The following ATP6V1C1 variants were observed in gnomAD, a reference collection of about 807,000 sequenced individuals.
ATP6V1C1 encodes V-type proton ATPase subunit C 1.
In ATP6V1C1, 45 loss-of-function variants were observed where a neutral mutation model predicts 53.9. The observed-to-expected ratio is 0.83, with a 90% CI of 0.66 to 1.07. ATP6V1C1 has a LOEUF of 1.07. Ranked by LOEUF, ATP6V1C1 falls within the 50% of genes least tolerant of loss-of-function variation. The probability of loss-of-function intolerance (pLI) is 0.00; values close to 1 mark genes in which losing one functional copy is unlikely to be tolerated. For synonymous variants in ATP6V1C1, 153 were observed against 155.2 expected, an observed-to-expected ratio of 0.99 and a Z score of 0.11; for missense variants, 315 against 440.3, an observed-to-expected ratio of 0.72 and a Z score of 2.55.
chr8:103,027,492 C>T (rs888805005), intron 1 of ATP6V1C1, among the ~76,000 whole-genome samples: 2 of 152,068 alleles, frequency 1.3e-5, no homozygotes, highest in African/African-American at 4.8e-5. Flanking sequence ...TATAACCAAC[C>T]CCCCCTCACC....
At chr8:103,049,018 A>T in intron 4 of ATP6V1C1, 63 bp downstream of exon 4, 1 of 1,450,916 alleles carries the variant, frequency 6.9e-7, no homozygotes, top group Non-Finnish European at 9.5e-7. Flanking sequence ...AAGCTACAGA[A>T]ACAAAAAGTA....
In ATP6V1C1 at chr8:103,021,089, T is replaced by C. The variant is rs894491519; in HGVS notation, c.-176T>C. ...CTGGGCTGGCACGTGACTTGTTCTGTGTTCGCTTGGGTAGAGGAAGCCGTG... is the reference window on the plus strand; with the variant it reads ...CTGGGCTGGCACGTGACTTGTTCTGCGTTCGCTTGGGTAGAGGAAGCCGTG... On this transcript the variant is annotated 5_prime_UTR_variant, in exon 1 of 13. Transcript: ENST00000518738. 2 of 152,864 alleles carry C rather than the reference T, an allele frequency of 1.3e-5. No individual in the cohort carries two copies. Among genetic ancestry groups the C allele is most frequent in the African/African-American group, 4.8e-5 (2 of 41,456 alleles). The allele number at this position is 152,864 out of a possible 1,614,324, so 9.5% of individuals were successfully genotyped here.
At position 103,063,627 on chromosome 8, in the gene ATP6V1C1, A is replaced by G. The variant is rs561236458; in HGVS notation, c.828+399A>G. On this transcript the variant is annotated intron_variant, in intron 10 of 12. Transcript: ENST00000518738. ...GAAGTTCTTTTCAGTAAGACTTTTC[A>G]CTTTCTTGAGGCAGATTTTTTCAAT... Among the ~76,000 whole-genome samples the G allele has an allele frequency of 2.6e-5, 4 of 152,290 alleles. No homozygotes were observed. In the East Asian group the frequency reaches 5.8e-4, roughly 22 times the overall value.
intron 8 of ATP6V1C1, among the ~76,000 whole-genome samples, chr8:103,056,357 C>T (rs970487777): frequency 1.3e-5 from 2 of 152,150 alleles, no homozygotes; most frequent in East Asian, 1.9e-4. Context: ...ACTGGACTGC[C>T]GTGTTGATCT....
At chr8:103,048,397 G>A (rs116044496) in intron 3 of ATP6V1C1, among the ~76,000 whole-genome samples, 46 of 152,304 alleles carry the variant, frequency 3.0e-4, no homozygotes, top group African/African-American at 1.1e-3. Context: ...AATAATGTAG[G>A]ACTTAGTTTT....
At chr8:103,056,012 G>C in intron 8 of ATP6V1C1, 76 bp downstream of exon 8, 1 of 1,406,784 alleles carries the variant, frequency 7.1e-7, no homozygotes, top group East Asian at 2.4e-5. Flanking sequence ...TAGGAAATAT[G>C]TTTGCTGTCT....
At chr8:103,062,528 A>G (rs944423928) in intron 8 of ATP6V1C1, among the ~76,000 whole-genome samples, 2 of 152,144 alleles carry the variant, frequency 1.3e-5, no homozygotes, top group African/African-American at 4.8e-5. Context: ...GGTTTAAGGT[A>G]CTGGCAATGC....
intron 3 of ATP6V1C1, among the ~76,000 whole-genome samples, chr8:103,043,679 A>G (rs1387954772): frequency 6.6e-6 from 1 of 151,768 alleles, no homozygotes; most frequent in Non-Finnish European, 1.5e-5. Flanking sequence ...GGCTGATGTG[A>G]TGTGATGTGT....
At chr8:103,026,623 G>A (rs1816697947) in intron 1 of ATP6V1C1, among the ~76,000 whole-genome samples, 1 of 152,156 alleles carries the variant, frequency 6.6e-6, no homozygotes, top group African/African-American at 2.4e-5. Flanking sequence ...GACCAGCCTG[G>A]CCAACATGGT....
chr8:103,037,077 C>A (rs943797383), intron 1 of ATP6V1C1, among the ~76,000 whole-genome samples: 6 of 152,082 alleles, frequency 3.9e-5, no homozygotes, highest in African/African-American at 1.4e-4. Flanking sequence ...AAGCTAGATT[C>A]GCTAAGTGCG....
At chr8:103,032,662 G>A (rs1816819383) in intron 1 of ATP6V1C1, among the ~76,000 whole-genome samples, 3 of 151,950 alleles carry the variant, frequency 2.0e-5, no homozygotes, top group African/African-American at 7.3e-5. Flanking sequence ...AATTTTAGTA[G>A]AGACAGGGTT....
intron 8 of ATP6V1C1, among the ~76,000 whole-genome samples, chr8:103,060,583 A>G (rs1397614660): frequency 6.6e-6 from 1 of 152,238 alleles, no homozygotes; most frequent in Admixed American, 6.5e-5. Flanking sequence ...ACTAATATCT[A>G]GCAAGTGCTT....
intron 3 of ATP6V1C1, among the ~76,000 whole-genome samples, chr8:103,045,680 G>C (rs536058382): frequency 1.3e-5 from 2 of 152,120 alleles, no homozygotes; most frequent in African/African-American, 4.8e-5. Context: ...GGTGGCTCAC[G>C]CCTGTAATCC....
At position 103,069,670 on chromosome 8, in the gene ATP6V1C1, G is replaced by A. The variant is rs1817552488; in HGVS notation, c.*923G>A. 6.6e-6 allele frequency: 1 copy of A among 152,158 alleles called. No homozygotes were observed. The highest frequency in any genetic ancestry group is 1.5e-5 in the Non-Finnish European group (1 of 68,022). 9.4% of individuals were successfully genotyped at this position (152,158 alleles called of 1,614,324 possible). A position where few individuals can be genotyped will look rare whatever the true frequency, so the allele number is the denominator to read the frequency against. Reference sequence around the variant, plus strand: ...ATTTGTGACATAGTCTGAAAATAGAGACATTGTTGGCCTTTAAAATCTCAG... The same window carrying A: ...ATTTGTGACATAGTCTGAAAATAGAAACATTGTTGGCCTTTAAAATCTCAG... On this transcript the variant is annotated 3_prime_UTR_variant, in exon 13 of 13. Transcript: ENST00000518738.
intron 11 of ATP6V1C1, 27 bp downstream of exon 11, chr8:103,064,838 G>C (rs539308821): frequency 1.7e-5 from 27 of 1,594,110 alleles, no homozygotes; most frequent in Non-Finnish European, 2.2e-5. Context: ...GCCAAACTTG[G>C]AACTGAAGAG....
chr8:103,037,036 A>AT (rs1396585060), intron 1 of ATP6V1C1, among the ~76,000 whole-genome samples: 2 of 150,742 alleles, frequency 1.3e-5, no homozygotes, highest in Non-Finnish European at 3.0e-5. Flanking sequence ...ATAACTGAAA[A>AT]TGTTAAAGTT....
chr8:103,043,028 T>G (rs1817028804), intron 3 of ATP6V1C1, among the ~76,000 whole-genome samples: 1 of 152,244 alleles, frequency 6.6e-6, no homozygotes, highest in South Asian at 2.1e-4. Flanking sequence ...TTCCACTTTT[T>G]GGCTTATAAG....
At chr8:103,055,193 T>G (rs1817268825) in intron 7 of ATP6V1C1, among the ~76,000 whole-genome samples, 1 of 152,168 alleles carries the variant, frequency 6.6e-6, no homozygotes, top group Admixed American at 6.6e-5. Flanking sequence ...CAACCTTTAT[T>G]TAAAACTTGG....
chr8:103,027,743 A>G (rs984814962), intron 1 of ATP6V1C1, among the ~76,000 whole-genome samples: 20 of 151,852 alleles, frequency 1.3e-4, no homozygotes, highest in African/African-American at 4.8e-4. Flanking sequence ...GTCAGACAAA[A>G]TAGAAGTGCC....
Sources: gnomAD v4.1 joint callset for allele counts (sites outside exome capture counted in the v4.1 genomes callset) on GRCh38, gnomAD v4.1.1 for gene constraint, MANE v1.5 for transcripts, NCBI Gene and HGNC (gene_info 2026-07-23, HGNC 2026-07-21) for gene names.